Variants in XPR1 observed in about 807,000 individuals in gnomAD.
The protein encoded by XPR1 is solute carrier family 53 member 1.
XPR1 carries 28 observed loss-of-function variants against 87.5 expected under a neutral mutation model. The observed-to-expected ratio is 0.32, with a 90% CI of 0.24 to 0.44. The LOEUF is 0.44. Ranked by LOEUF, XPR1 falls within the 20% of genes least tolerant of loss-of-function variation. The pLI is 1.00. For synonymous variants in XPR1, 300 were observed against 306.1 expected (o/e 0.98, Z 0.21); for missense variants, 559 against 862.3 (o/e 0.65, Z 4.41).
chr1:180,800,898 A>G (rs1452619128), intron 3 of XPR1, among the ~76,000 whole-genome samples: 1 of 152,130 alleles, frequency 6.6e-6, no homozygotes, highest in Non-Finnish European at 1.5e-5. Flanking sequence ...GGAAGCTGGT[A>G]AGAGGTAGTG....
At chr1:180,641,925 T>G (rs1654974111) in intron 1 of XPR1, among the ~76,000 whole-genome samples, 1 of 152,208 alleles carries the variant, frequency 6.6e-6, no homozygotes, top group Non-Finnish European at 1.5e-5. Context: ...AGTTTCTTTG[T>G]AAGAGTCAGT....
chr1:180,810,448 G>A (rs1477696749), intron 6 of XPR1, among the ~76,000 whole-genome samples: 1 of 151,982 alleles, frequency 6.6e-6, no homozygotes, highest in Non-Finnish European at 1.5e-5. Flanking sequence ...GGGCATGGTG[G>A]CACACACAGT....
chr1:180,741,401 G>A (rs185944958), intron 2 of XPR1, among the ~76,000 whole-genome samples: 1 of 151,934 alleles, frequency 6.6e-6, no homozygotes, highest in African/African-American at 2.4e-5. Flanking sequence ...CCTGATCTCG[G>A]GTGATCCACA....
Position 180,696,222 on chromosome 1 carries a change from A to G in XPR1, c.121+13811A>G, listed in dbSNP as rs756088522. On this transcript the variant is annotated intron_variant, in intron 2 of 14. Transcript: ENST00000367590. The stretch of plus-strand genomic sequence containing the variant: ...TGTGTGTGTGTGTATATATATATAT[A>G]TATATATATTATGGTAGCTATTGTA... 2.8e-3 allele frequency among the ~76,000 whole-genome samples: 374 copies of G among 135,988 alleles called. 2 individuals are homozygous for G. Among genetic ancestry groups the G allele is most frequent in the South Asian group, 7.6e-3 (35 of 4,578 alleles). The allele number at this position is 135,988 out of a possible 152,430, so 89.2% of individuals were successfully genotyped here.
At chr1:180,874,141 C>T in intron 13 of XPR1, 199 bp downstream of exon 13, 1 of 567,194 alleles carries the variant, frequency 1.8e-6, no homozygotes, top group South Asian at 2.6e-5. Context: ...TTGATCCACC[C>T]ACCTCGGCCT....
chr1:180,838,486 CCAAATCTAAAA>C (rs934449184), intron 11 of XPR1, among the ~76,000 whole-genome samples: 54 of 152,168 alleles, frequency 3.5e-4, no homozygotes, highest in South Asian at 3.3e-3. Context: ...TGTGAACAGT[CCAAATCTAAAA>C]CAAATCTAAA....
At chr1:180,873,544 A>C (rs1652571227) in intron 12 of XPR1, among the ~76,000 whole-genome samples, 3 of 152,228 alleles carry the variant, frequency 2.0e-5, no homozygotes, top group African/African-American at 7.2e-5. Flanking sequence ...ATGGCAGTGA[A>C]ATATATTTGT....
intron 1 of XPR1, among the ~76,000 whole-genome samples, chr1:180,637,050 C>CAAAA (rs34479247): frequency 1.2e-3 from 99 of 81,512 alleles, no homozygotes; most frequent in African/African-American, 4.6e-3. Flanking sequence ...GACTTCATCT[C>CAAAA]AAAAAAAAAA....
chr1:180,744,650 C>CTTTTTTTTT lies in XPR1; in HGVS notation c.122-43100_122-43099insTTTTTTTTT, dbSNP rs200044209. On this transcript the variant is annotated intron_variant, in intron 2 of 14. Coordinates refer to ENST00000367590, the MANE Select transcript of XPR1 (RefSeq NM_004736.4). The stretch of plus-strand genomic sequence containing the variant: ...ACTTGTTCAGGTTTAGGCACAATTT[C>CTTTTTTTTT]TTTCTTTTTTTTTTTTTTGAGACAG... Among the ~76,000 whole-genome samples the CTTTTTTTTT allele has an allele frequency of 6.0e-4, 34 of 56,942 alleles. 1 individual carries two copies. Among genetic ancestry groups the CTTTTTTTTT allele is most frequent in the African/African-American group, 1.1e-3 (18 of 17,130 alleles). 37.4% of individuals were successfully genotyped at this position (56,942 alleles called of 152,430 possible).
chr1:180,846,726 T>C (rs377038460), intron 11 of XPR1, among the ~76,000 whole-genome samples: 2 of 152,026 alleles, frequency 1.3e-5, no homozygotes, highest in East Asian at 1.9e-4. Context: ...GGATTACAGG[T>C]GTGAGCCACG....
chr1:180,655,741 T>C (rs1328844637), intron 1 of XPR1, among the ~76,000 whole-genome samples: 2 of 152,158 alleles, frequency 1.3e-5, no homozygotes, highest in Middle Eastern at 3.2e-3. Flanking sequence ...TTAGGTCTTT[T>C]ATCCTTTTTG....
intron 2 of XPR1, among the ~76,000 whole-genome samples, chr1:180,709,736 G>A (rs1028905108): frequency 2.6e-5 from 4 of 151,970 alleles, no homozygotes; most frequent in East Asian, 1.9e-4. Flanking sequence ...GTGTTACCTC[G>A]TTGTGTTTTT....
intron 2 of XPR1, among the ~76,000 whole-genome samples, chr1:180,708,024 T>C (rs1657615716): frequency 6.6e-6 from 1 of 152,174 alleles, no homozygotes; most frequent in South Asian, 2.1e-4. Flanking sequence ...GTCAAATGAA[T>C]TTAGAAAAGC....
intron 2 of XPR1, among the ~76,000 whole-genome samples, chr1:180,711,285 C>G (rs1239598823): frequency 6.6e-6 from 1 of 152,106 alleles, no homozygotes; most frequent in Non-Finnish European, 1.5e-5. Flanking sequence ...GAGGTTGTAG[C>G]CAGCCGAGAT....
intron 2 of XPR1, among the ~76,000 whole-genome samples, chr1:180,764,386 C>G (rs1648185936): frequency 6.6e-6 from 1 of 151,896 alleles, no homozygotes; most frequent in African/African-American, 2.4e-5. Context: ...TGAAACACTT[C>G]TAGTCCCAAG....
chr1:180,693,217 G>A (rs150437837), intron 2 of XPR1, among the ~76,000 whole-genome samples: 1 of 152,274 alleles, frequency 6.6e-6, no homozygotes, highest in East Asian at 1.9e-4. Context: ...GTTTAAAGTT[G>A]GCAGAGTTCA....
At chr1:180,843,950 C>T (rs1017119781) in intron 11 of XPR1, among the ~76,000 whole-genome samples, 1 of 152,168 alleles carries the variant, frequency 6.6e-6, no homozygotes. Flanking sequence ...CAGTAGCTCA[C>T]ACCTGTAATC....
chr1:180,648,422 G>T (rs1158084011), intron 1 of XPR1, among the ~76,000 whole-genome samples: 1 of 152,200 alleles, frequency 6.6e-6, no homozygotes, highest in Non-Finnish European at 1.5e-5. Flanking sequence ...TACCTGGGCT[G>T]CTTCTAAAAA....
intron 2 of XPR1, among the ~76,000 whole-genome samples, chr1:180,743,030 T>G (rs1658969666): frequency 6.6e-6 from 1 of 152,092 alleles, no homozygotes; most frequent in Admixed American, 6.5e-5. Context: ...TGAAGTGAGT[T>G]TCTTGCAGGC....
Sources: gnomAD v4.1 joint callset for allele counts (sites outside exome capture counted in the v4.1 genomes callset) on GRCh38, gnomAD v4.1.1 for gene constraint, MANE v1.5 for transcripts, NCBI Gene and HGNC (gene_info 2026-07-23, HGNC 2026-07-21) for gene names.